PTPRD: variants seen among roughly 807,000 people sequenced by gnomAD.
The protein encoded by PTPRD is protein tyrosine phosphatase receptor type D.
In PTPRD, 34 loss-of-function variants were observed where a neutral mutation model predicts 214.5. The observed-to-expected ratio is 0.16, with a 90% CI of 0.12 to 0.21. PTPRD has a LOEUF of 0.21. Among genes scored for constraint, PTPRD ranks in the 10% least tolerant of loss-of-function variants. The pLI is 1.00. For synonymous variants in PTPRD, 1,128 were observed against 845.7 expected, an observed-to-expected ratio of 1.33 and a Z score of -5.79; for missense variants, 2,545 against 2,398.7, an observed-to-expected ratio of 1.06 and a Z score of -1.27.
At chr9:8,706,231 T>A (rs567388264) in intron 12 of PTPRD, among the ~76,000 whole-genome samples, 2 of 152,214 alleles carry the variant, frequency 1.3e-5, no homozygotes, top group Admixed American at 1.3e-4. Context: ...CCAAGCTTAC[T>A]ACGGAAGTTC....
At chr9:8,556,569 T>C (rs1227249058) in intron 14 of PTPRD, among the ~76,000 whole-genome samples, 1 of 152,230 alleles carries the variant, frequency 6.6e-6, no homozygotes, top group East Asian at 1.9e-4. Context: ...TATTTCTTTA[T>C]ATATCTGTTA....
At chr9:9,756,921 G>C (rs2098591246) in intron 6 of PTPRD, among the ~76,000 whole-genome samples, 1 of 152,124 alleles carries the variant, frequency 6.6e-6, no homozygotes, top group Admixed American at 6.6e-5. Flanking sequence ...AAACATGCTA[G>C]TCGTTTTCAA....
At chr9:10,461,194 C>T (rs1348052039) in intron 2 of PTPRD, among the ~76,000 whole-genome samples, 2 of 149,618 alleles carry the variant, frequency 1.3e-5, no homozygotes, top group Non-Finnish European at 3.0e-5. Flanking sequence ...TCTATATATC[C>T]TCATAACTGT....
At chr9:9,032,676 TG>T (rs2099609464) in intron 10 of PTPRD, among the ~76,000 whole-genome samples, 1 of 152,106 alleles carries the variant, frequency 6.6e-6, no homozygotes, top group Non-Finnish European at 1.5e-5. Context: ...TGTGCTCTGC[TG>T]GGAAGAACTT....
intron 5 of PTPRD, among the ~76,000 whole-genome samples, chr9:9,879,875 C>T (rs1031440791): frequency 6.6e-6 from 1 of 152,152 alleles, no homozygotes; most frequent in South Asian, 2.1e-4. Flanking sequence ...AGAATAATCA[C>T]TGCCAGTTGG....
Position 8,465,713 on chromosome 9 carries a change from A to C in PTPRD, c.3505-38T>G, listed in dbSNP as rs372270507. 2.6e-6 allele frequency: 4 copies of C among 1,533,172 alleles called. No individual in the cohort carries two copies. The African/African-American group carries it at 4.2e-5, about 16-fold the overall frequency. The allele number at this position is 1,533,172 out of a possible 1,614,324, so 95.0% of individuals were successfully genotyped here. On this transcript the variant is annotated intron_variant, in intron 31 of 45. Coordinates refer to ENST00000381196, the MANE Select transcript of PTPRD (RefSeq NM_002839.4). ...AGTGGGAAACAGAAAAAGAACTGTA[A>C]ATAATAACCCAGCTTATTGATAATT...
At chr9:10,071,767 T>C (rs1247302298) in intron 3 of PTPRD, among the ~76,000 whole-genome samples, 1 of 151,952 alleles carries the variant, frequency 6.6e-6, no homozygotes, top group East Asian at 1.9e-4. Context: ...ATATGAGTAA[T>C]GACTCATATT....
At chr9:9,949,987 C>A (rs2093278938) in intron 4 of PTPRD, among the ~76,000 whole-genome samples, 1 of 152,136 alleles carries the variant, frequency 6.6e-6, no homozygotes, top group African/African-American at 2.4e-5. Flanking sequence ...GTTTCTGCAA[C>A]CAAGCTATTT....
At chr9:10,148,348 G>A (rs943785686) in intron 3 of PTPRD, among the ~76,000 whole-genome samples, 3 of 152,156 alleles carry the variant, frequency 2.0e-5, no homozygotes, top group Non-Finnish European at 2.9e-5. Context: ...AAGTACATAA[G>A]TGTATCTGGC....
At chr9:9,591,400 C>T (rs1028144795) in intron 7 of PTPRD, among the ~76,000 whole-genome samples, 2 of 151,928 alleles carry the variant, frequency 1.3e-5, no homozygotes, top group Non-Finnish European at 2.9e-5. Context: ...AGCTTAGAAG[C>T]GGATTCATTC....
At chr9:10,479,507 C>A (rs1222094215) in intron 2 of PTPRD, among the ~76,000 whole-genome samples, 2 of 152,018 alleles carry the variant, frequency 1.3e-5, no homozygotes, top group Non-Finnish European at 2.9e-5. Flanking sequence ...TGAAGAATAA[C>A]ATGCAGACAG....
chr9:9,270,356 G>C (rs906304159), intron 9 of PTPRD, among the ~76,000 whole-genome samples: 2 of 151,316 alleles, frequency 1.3e-5, no homozygotes, highest in East Asian at 2.0e-4. Flanking sequence ...CAAGAATGTA[G>C]AGAAAGCCTC....
chr9:8,806,234 C>G (rs539316596), intron 11 of PTPRD, among the ~76,000 whole-genome samples: 2 of 118,756 alleles, frequency 1.7e-5, no homozygotes, highest in South Asian at 5.5e-4. Flanking sequence ...CCAGCTTACA[C>G]TTTTTTTTTT....
intron 3 of PTPRD, among the ~76,000 whole-genome samples, chr9:10,204,303 A>T (rs1012412187): frequency 6.6e-6 from 1 of 152,124 alleles, no homozygotes; most frequent in Non-Finnish European, 1.5e-5. Context: ...GTTTTGGTCA[A>T]CTCTGTCTCA....
intron 7 of PTPRD, among the ~76,000 whole-genome samples, chr9:9,732,237 T>G (rs2098209947): frequency 2.6e-5 from 4 of 152,162 alleles, no homozygotes; most frequent in Admixed American, 2.6e-4. Context: ...TGGTATGTAC[T>G]GAAGAAAGAT....
intron 35 of PTPRD, among the ~76,000 whole-genome samples, chr9:8,425,019 C>T (rs2094571725): frequency 6.6e-6 from 1 of 152,166 alleles, no homozygotes; most frequent in South Asian, 2.1e-4. Context: ...TTCATCTACA[C>T]TCCCAAAGCA....
intron 8 of PTPRD, among the ~76,000 whole-genome samples, chr9:9,502,568 G>A (rs908340186): frequency 1.3e-5 from 2 of 151,830 alleles, no homozygotes; most frequent in Non-Finnish European, 2.9e-5. Context: ...GTATAATTCA[G>A]TGATTCCACC....
intron 8 of PTPRD, among the ~76,000 whole-genome samples, chr9:9,546,986 TA>T (rs1284578671): frequency 1.3e-5 from 2 of 150,104 alleles, no homozygotes; most frequent in African/African-American, 4.9e-5. Flanking sequence ...AAAATAAAAA[TA>T]AAAAGACAAA....
At chr9:8,741,038 T>C (rs916192709) in intron 11 of PTPRD, among the ~76,000 whole-genome samples, 6 of 152,222 alleles carry the variant, frequency 3.9e-5, no homozygotes, top group African/African-American at 1.4e-4. Flanking sequence ...TGATTCACTT[T>C]CCAAATTATT....
Sources: allele counts gnomAD v4.1 joint callset (sites outside exome capture counted in the v4.1 genomes callset), GRCh38; gene constraint gnomAD v4.1.1; transcripts MANE v1.5; gene names NCBI Gene and HGNC (gene_info 2026-07-23, HGNC 2026-07-21).